The following KMT2C variants were observed in gnomAD, a reference collection of about 807,000 sequenced individuals.
KMT2C encodes the protein lysine methyltransferase 2C.
Under a neutral mutation model 507.9 loss-of-function variants are expected in KMT2C, and 88 were observed. The observed-to-expected ratio is 0.17, with a 90% CI of 0.15 to 0.21. The LOEUF (loss-of-function observed/expected upper bound fraction) is 0.21. Ranked by LOEUF, KMT2C falls within the 10% of genes least tolerant of loss-of-function variation. KMT2C has a pLI of 1.00. For synonymous variants in KMT2C, 2,049 were observed against 2,080.8 expected, an observed-to-expected ratio of 0.98 and a Z score of 0.42; for missense variants, 4,954 against 5,957.8, an observed-to-expected ratio of 0.83 and a Z score of 5.55.
chr7:152,155,620 C>T (rs1157153673), intron 46 of KMT2C, among the ~76,000 whole-genome samples: 1 of 152,126 alleles, frequency 6.6e-6, no homozygotes, highest in Non-Finnish European at 1.5e-5. Context: ...TGGAGATTTT[C>T]CACTACCTTC....
At chr7:152,147,022 T>C (rs2091167370) in intron 52 of KMT2C, among the ~76,000 whole-genome samples, 1 of 152,250 alleles carries the variant, frequency 6.6e-6, no homozygotes, top group South Asian at 2.1e-4. Context: ...ACTTTCATAG[T>C]GGCCATATAA....
chr7:152,297,047 A>AAGAAAGAAAGAAAGAC (rs2096513610), intron 6 of KMT2C, among the ~76,000 whole-genome samples: 4 of 68,930 alleles, frequency 5.8e-5, no homozygotes, highest in Non-Finnish European at 9.3e-5. Context: ...GAAAGAAAGA[A>AAGAAAGAAAGAAAGAC]AGAAAGACAG....
At chr7:152,434,915 C>CG (rs2097902140) in intron 1 of KMT2C, among the ~76,000 whole-genome samples, 1 of 152,070 alleles carries the variant, frequency 6.6e-6, no homozygotes. Flanking sequence ...TACGAGGGGA[C>CG]GCTGGCTACG....
chr7:152,278,977 G>C (rs2096145973), intron 6 of KMT2C, among the ~76,000 whole-genome samples: 1 of 152,222 alleles, frequency 6.6e-6, no homozygotes, highest in East Asian at 1.9e-4. Flanking sequence ...AATACACACA[G>C]ATCTCTGTAT....
intron 29 of KMT2C, 48 bp downstream of exon 29, chr7:152,194,392 A>C: frequency 6.4e-7 from 1 of 1,569,516 alleles, no homozygotes; most frequent in Non-Finnish European, 8.7e-7. Context: ...TAAAAATCAT[A>C]TTTACTCAGG....
chr7:152,400,653 A>C (rs927351243), intron 1 of KMT2C, among the ~76,000 whole-genome samples: 1 of 152,258 alleles, frequency 6.6e-6, no homozygotes, highest in African/African-American at 2.4e-5. Flanking sequence ...AGGGCTAATG[A>C]GGACTTTTAC....
intron 1 of KMT2C, among the ~76,000 whole-genome samples, chr7:152,381,883 T>C (rs1478424625): frequency 2.0e-5 from 3 of 152,186 alleles, no homozygotes; most frequent in Non-Finnish European, 4.4e-5. Flanking sequence ...TTTCAACGGA[T>C]CCTTTTCTAT....
rs1415041355 is a variant in KMT2C at position 152,199,327 on chromosome 7, C to A, written c.4225G>T (p.Asp1409Tyr). The change falls in exon 27 of 59, where the codon GAT (aspartate) becomes TAT (tyrosine). Residue 1409 changes from aspartate (D) to tyrosine (Y), a missense_variant. Coordinates refer to ENST00000262189, the MANE Select transcript of KMT2C (RefSeq NM_170606.3). ...MNTGFLDPSLDPLLSSSSAPT... is the reference protein window; with the variant it reads ...MNTGFLDPSLYPLLSSSSAPT... ...GCCGAGGATGAACTAAGTAGTGGATCTAAGGAAGGATCCAAGAAACCTGTG... is the reference window on the plus strand; with the variant it reads ...GCCGAGGATGAACTAAGTAGTGGATATAAGGAAGGATCCAAGAAACCTGTG... 6.2e-7 allele frequency: 1 copy of A among 1,603,572 alleles called. No individual in the cohort carries two copies.
chr7:152,369,042 G>T (rs2097270833), intron 1 of KMT2C, among the ~76,000 whole-genome samples: 1 of 151,796 alleles, frequency 6.6e-6, no homozygotes, highest in Non-Finnish European at 1.5e-5. Context: ...ATAGTTAAGG[G>T]CCAGGAGCAG....
chr7:152,202,879 CATTTT>C (rs1420854631), intron 26 of KMT2C, 50 bp downstream of exon 26: 4 of 1,354,012 alleles, frequency 3.0e-6, no homozygotes, highest in Admixed American at 4.0e-5. Context: ...AAACTCAATA[CATTTT>C]ATTTCCTCAA....
intron 3 of KMT2C, among the ~76,000 whole-genome samples, chr7:152,326,742 G>A (rs560741089): frequency 1.3e-5 from 2 of 152,220 alleles, no homozygotes; most frequent in African/African-American, 4.8e-5. Flanking sequence ...TTAGCCGGGT[G>A]TGGTGGCAGG....
At position 152,136,556 on chromosome 7, in the gene KMT2C, CA is replaced by C. The variant is rs201223677; in HGVS notation, c.*275del. The stretch of plus-strand genomic sequence containing the variant: ...AGGGAAAAACAAAACAAAAAACAAA[CA>C]AAAAAAAAAGAAAAGGAAAAGAAAA... On this transcript the variant is annotated 3_prime_UTR_variant, in exon 59 of 59. Transcript: ENST00000262189. 1,846 of 321,846 alleles carry C rather than the reference CA, an allele frequency of 5.7e-3. No individual in the cohort carries two copies. The highest frequency in any genetic ancestry group is 8.9e-3 in the South Asian group (143 of 16,098). The allele number at this position is 321,846 out of a possible 1,614,324, so 19.9% of individuals were successfully genotyped here. A position where few individuals can be genotyped will look rare whatever the true frequency, so the allele number is the denominator to read the frequency against.
At chr7:152,389,831 T>C (rs1361742319) in intron 1 of KMT2C, among the ~76,000 whole-genome samples, 1 of 151,626 alleles carries the variant, frequency 6.6e-6, no homozygotes. Context: ...TTAAATCCTC[T>C]CCCCCTCGCA....
In KMT2C at chr7:152,136,648, C is replaced by T. The variant is rs1171713194; in HGVS notation, c.*184G>A. 8.5e-6 allele frequency: 5 copies of T among 586,414 alleles called. No individual in the cohort carries two copies. In the East Asian group the frequency reaches 1.4e-4, roughly 17 times the overall value. 36.3% of individuals were successfully genotyped at this position (586,414 alleles called of 1,614,324 possible). On this transcript the variant is annotated 3_prime_UTR_variant, in exon 59 of 59. Transcript: ENST00000262189. ...CTCGGCCACTTCAGGAACGCTGCTT[C>T]TGTCAGCTTCCTCCTGGCGCTGCTT...
In KMT2C at chr7:152,220,668, G is replaced by C. The variant is rs995990760; in HGVS notation, c.3567C>G (p.Ser1189Arg). ...TTCTTCTTGGAACTGTAACTGTGAG[G>C]CTCTGTAACTGAGTCATCCCTGATT... is the stretch of plus-strand genomic sequence containing the variant. ...LTESGMTQLQSLTVTVPRRKR... is the reference protein window; with the variant it reads ...LTESGMTQLQRLTVTVPRRKR... Residue 1189 changes from serine (S) to arginine (R), a missense_variant, in exon 23 of 59, where the codon AGC (serine) becomes AGG (arginine). Around this residue, in one of 29 missense-constraint regions of KMT2C, gnomAD observed 176 missense variants for 262.0 expected, o/e 0.67. Coordinates refer to ENST00000262189, the MANE Select transcript of KMT2C (RefSeq NM_170606.3). 1 of 1,611,332 alleles carries C rather than the reference G, an allele frequency of 6.2e-7. No individual in the cohort carries two copies. The highest frequency in any genetic ancestry group is 8.5e-7 in the Non-Finnish European group (1 of 1,179,508).
At chr7:152,419,871 C>T (rs2097767834) in intron 1 of KMT2C, among the ~76,000 whole-genome samples, 1 of 152,216 alleles carries the variant, frequency 6.6e-6, no homozygotes, top group Non-Finnish European at 1.5e-5. Context: ...TAGTGCCTAA[C>T]ACATAATAGC....
chr7:152,192,839 A>G (rs2093843761), intron 31 of KMT2C, among the ~76,000 whole-genome samples: 1 of 152,174 alleles, frequency 6.6e-6, no homozygotes, highest in South Asian at 2.1e-4. Context: ...TGAGGCAGTG[A>G]CAATAGGATA....
At chr7:152,241,174 G>T (rs1282403145) in intron 14 of KMT2C, among the ~76,000 whole-genome samples, 1 of 152,040 alleles carries the variant, frequency 6.6e-6, no homozygotes, top group Non-Finnish European at 1.5e-5. Flanking sequence ...TATCATTCCA[G>T]CCCCTCAATA....
In KMT2C at chr7:152,183,056, C is replaced by T. The variant is rs754498345; in HGVS notation, c.5183G>A (p.Ser1728Asn). ...AAAAAGCTCCGAATCAATACGAGAG[C>T]TGGGATCAATGCTATCTTGCTGTTG... ...RQQQQDSIDP[S>N]SRIDSELFKD... Residue 1728 changes from serine (S) to asparagine (N), a missense_variant, in exon 35 of 59, where the codon AGC becomes AAC. This residue lies in a region of KMT2C where 58 missense variants were observed against 63.3 expected (regional missense o/e 0.92). Coordinates refer to ENST00000262189, the MANE Select transcript of KMT2C (RefSeq NM_170606.3). The T allele has an allele frequency of 6.2e-7, 1 of 1,612,910 alleles. No individual in the cohort carries two copies. Among genetic ancestry groups the T allele is most frequent in the Non-Finnish European group, 8.5e-7 (1 of 1,179,514 alleles).
Sources: gnomAD v4.1 joint callset for allele counts (sites outside exome capture counted in the v4.1 genomes callset) on GRCh38, gnomAD v4.1.1 for gene constraint, gnomAD v4.1.1 regional missense constraint, MANE v1.5 for transcripts, NCBI Gene and HGNC (gene_info 2026-07-23, HGNC 2026-07-21) for gene names.